The following ACER3 variants were observed in gnomAD, a reference collection of about 807,000 sequenced individuals.
The protein encoded by ACER3 is alkCDase 3.
In ACER3, 16 loss-of-function variants were observed where a neutral mutation model predicts 48.9. The ratio of observed to expected loss-of-function variants is 0.33; its 90% CI spans 0.22 to 0.50. The LOEUF is 0.50. Ranked by LOEUF, ACER3 falls within the 20% of genes least tolerant of loss-of-function variation. The pLI is 0.98. For synonymous variants in ACER3, 109 were observed against 107.8 expected (o/e 1.01, Z -0.07); for missense variants, 227 against 326.0 (o/e 0.70, Z 2.34).
chr11:76,957,988 G>T (rs1043257540), intron 2 of ACER3, among the ~76,000 whole-genome samples: 5 of 150,904 alleles, frequency 3.3e-5, no homozygotes, highest in African/African-American at 7.3e-5. Flanking sequence ...TAGAGATAAG[G>T]TCTCACTATG....
At chr11:76,971,803 G>A (rs1948314562) in intron 3 of ACER3, among the ~76,000 whole-genome samples, 1 of 152,138 alleles carries the variant, frequency 6.6e-6, no homozygotes, top group African/African-American at 2.4e-5. Context: ...AAACTTCATG[G>A]GTAGCAGCTC....
chr11:76,986,198 TA>T (rs1948682631), intron 5 of ACER3, among the ~76,000 whole-genome samples: 1 of 152,214 alleles, frequency 6.6e-6, no homozygotes, highest in South Asian at 2.1e-4. Context: ...AGAAAACATT[TA>T]TTGAAAACTT....
Position 76,934,302 on chromosome 11 carries a change from CTG to C in ACER3, c.214+7636_214+7637del. ...AGACGGGGTGGCGGCCGGGCAGAGG[CTG>C]CAATCTCGGCACTTTGGGAGGCCAA... On this transcript the variant is annotated intron_variant, in intron 2 of 10. Transcript: ENST00000532485. 1.3e-5 allele frequency among the ~76,000 whole-genome samples: 2 copies of C among 152,336 alleles called. 1 individual carries two copies. Among genetic ancestry groups the C allele is most frequent in the Non-Finnish European group, 2.9e-5 (2 of 68,024 alleles).
intron 3 of ACER3, among the ~76,000 whole-genome samples, chr11:76,969,957 T>TAA (rs35822676): frequency 1.1e-4 from 16 of 149,220 alleles, no homozygotes; most frequent in South Asian, 2.1e-4. Context: ...ATAATAAAAT[T>TAA]AAAAAAAAAA....
intron 1 of ACER3, among the ~76,000 whole-genome samples, chr11:76,874,069 T>C (rs1421808921): frequency 1.3e-5 from 2 of 152,148 alleles, no homozygotes; most frequent in African/African-American, 2.4e-5. Context: ...AGCAAAATGA[T>C]AGATCCAAAA....
chr11:77,014,940 A>T, intron 7 of ACER3, 76 bp from the exon 8 acceptor site: 1 of 886,462 alleles, frequency 1.1e-6, no homozygotes, highest in Non-Finnish European at 1.9e-6. Flanking sequence ...AAAAGGAAGA[A>T]AGTGATGGCT....
At chr11:77,017,906 A>G (rs1169446695) in intron 9 of ACER3, among the ~76,000 whole-genome samples, 2 of 131,074 alleles carry the variant, frequency 1.5e-5, no homozygotes, top group Non-Finnish European at 3.3e-5. Flanking sequence ...TATTATTATT[A>G]TTATATCTGT....
At chr11:76,952,528 G>C (rs1947706271) in intron 2 of ACER3, among the ~76,000 whole-genome samples, 1 of 151,798 alleles carries the variant, frequency 6.6e-6, no homozygotes. Context: ...AAAGTGCTGG[G>C]ATTACAGGTG....
intron 1 of ACER3, among the ~76,000 whole-genome samples, chr11:76,918,772 G>A (rs1946605452): frequency 6.6e-6 from 1 of 151,848 alleles, no homozygotes; most frequent in Non-Finnish European, 1.5e-5. Flanking sequence ...TTGCAAGTTA[G>A]GAAACTAAGG....
chr11:76,890,537 C>G (rs1256908653), intron 1 of ACER3, among the ~76,000 whole-genome samples: 1 of 152,122 alleles, frequency 6.6e-6, no homozygotes, highest in East Asian at 1.9e-4. Flanking sequence ...GCTCACATAA[C>G]TAGTGCGCAT....
At chr11:76,887,399 C>CA (rs1182233145) in intron 1 of ACER3, among the ~76,000 whole-genome samples, 2 of 152,086 alleles carry the variant, frequency 1.3e-5, no homozygotes, top group Non-Finnish European at 2.9e-5. Flanking sequence ...AAGGAGAACT[C>CA]AAAGAGAGAC....
chr11:76,975,291 C>T (rs1948412513), intron 3 of ACER3, among the ~76,000 whole-genome samples: 1 of 152,084 alleles, frequency 6.6e-6, no homozygotes. Flanking sequence ...TTACTTGGCA[C>T]ATAGTGGACA....
rs369558733 is a variant in ACER3, at chr11:76,860,932, C to A, written c.-45C>A. 17 of 1,435,474 alleles carry A rather than the reference C, an allele frequency of 1.2e-5. No individual in the cohort carries two copies. Among genetic ancestry groups the A allele is most frequent in the Non-Finnish European group, 1.5e-5 (16 of 1,068,628 alleles). The allele number at this position is 1,435,474 out of a possible 1,614,324, so 88.9% of individuals were successfully genotyped here. On this transcript the variant is annotated 5_prime_UTR_variant, in exon 1 of 11. Transcript: ENST00000532485. Reference sequence around the variant, plus strand: ...GAGCCGGCCTGGTCGCCAGCCTAACCCGGCACAGTGAGCGGAGCGCCTGGG... The same window carrying A: ...GAGCCGGCCTGGTCGCCAGCCTAACACGGCACAGTGAGCGGAGCGCCTGGG...
chr11:76,953,351 C>G (rs938597775), intron 2 of ACER3, among the ~76,000 whole-genome samples: 1 of 152,120 alleles, frequency 6.6e-6, no homozygotes, highest in South Asian at 2.1e-4. Context: ...GTAATCCCAG[C>G]GCTTTGGGAG....
At chr11:77,017,938 A>G (rs1555023666) in intron 9 of ACER3, among the ~76,000 whole-genome samples, 1 of 118,120 alleles carries the variant, frequency 8.5e-6, no homozygotes, top group African/African-American at 3.3e-5. Flanking sequence ...GTGATCAGTG[A>G]TCTTTTTTTT....
intron 1 of ACER3, among the ~76,000 whole-genome samples, chr11:76,907,751 G>A (rs1356312971): frequency 6.6e-6 from 1 of 152,004 alleles, no homozygotes; most frequent in East Asian, 1.9e-4. Context: ...CATGCCTATA[G>A]TCCCAGCTTC....
Position 76,966,530 on chromosome 11 carries a change from CT to C in ACER3, c.267+7500del, listed in dbSNP as rs544508683. 4.0e-5 allele frequency among the ~76,000 whole-genome samples: 6 copies of C among 151,188 alleles called. No individual in the cohort carries two copies. In the East Asian group the frequency reaches 9.7e-4, roughly 24 times the overall value. On this transcript the variant is annotated intron_variant, in intron 3 of 10. Transcript: ENST00000532485. ...CATTCTTTTCAGCACCACACCACCC[CT>C]ATTCCAAAATTGACCACATAGTTGG...
At chr11:76,871,411 C>T (rs1291637340) in intron 1 of ACER3, among the ~76,000 whole-genome samples, 1 of 152,122 alleles carries the variant, frequency 6.6e-6, no homozygotes, top group East Asian at 1.9e-4. Flanking sequence ...TCAATCAGTA[C>T]ATGTAAGGTA....
chr11:76,865,758 C>G (rs1404775533), intron 1 of ACER3, among the ~76,000 whole-genome samples: 1 of 151,886 alleles, frequency 6.6e-6, no homozygotes, highest in African/African-American at 2.4e-5. Context: ...ATTCACCTGC[C>G]TTGGCCTCCC....
Sources: allele counts gnomAD v4.1 joint callset (sites outside exome capture counted in the v4.1 genomes callset), GRCh38; gene constraint gnomAD v4.1.1; transcripts MANE v1.5; gene names NCBI Gene and HGNC (gene_info 2026-07-23, HGNC 2026-07-21).